Variants in NPAS3 observed in about 807,000 individuals in gnomAD.
The protein encoded by NPAS3 is neuronal PAS domain-containing protein 3.
Under a neutral mutation model 73.1 loss-of-function variants are expected in NPAS3, and 14 were observed. The observed-to-expected ratio is 0.19, with a 90% CI of 0.13 to 0.30. The LOEUF is 0.30. Ranked by LOEUF, NPAS3 falls within the 10% of genes least tolerant of loss-of-function variation. NPAS3 has a pLI of 1.00. For synonymous variants in NPAS3, 620 were observed against 541.5 expected (o/e 1.14, Z -2.01); for missense variants, 1,096 against 1,250.0 (o/e 0.88, Z 1.86).
chr14:33,645,831 G>A (rs1343333757), intron 5 of NPAS3, among the ~76,000 whole-genome samples: 1 of 152,198 alleles, frequency 6.6e-6, no homozygotes, highest in Non-Finnish European at 1.5e-5. Context: ...CACCTCTGTG[G>A]TTTCATCTAG....
chr14:33,149,638 A>T (rs925801774), intron 2 of NPAS3, among the ~76,000 whole-genome samples: 15 of 152,178 alleles, frequency 9.9e-5, no homozygotes, highest in African/African-American at 3.4e-4. Flanking sequence ...TAGTGTCCTA[A>T]CATATAGTGG....
At chr14:32,979,779 A>G (rs1333125277) in intron 1 of NPAS3, among the ~76,000 whole-genome samples, 1 of 152,212 alleles carries the variant, frequency 6.6e-6, no homozygotes, top group African/African-American at 2.4e-5. Context: ...GATCAGTCTA[A>G]AAATACTGAA....
intron 6 of NPAS3, among the ~76,000 whole-genome samples, chr14:33,708,656 A>G (rs1447874132): frequency 6.6e-6 from 1 of 152,226 alleles, no homozygotes; most frequent in Admixed American, 6.5e-5. Context: ...GAATTATTTA[A>G]AAGTATTTGA....
chr14:33,108,400 G>T (rs1378672999), intron 2 of NPAS3, among the ~76,000 whole-genome samples: 3 of 151,880 alleles, frequency 2.0e-5, no homozygotes, highest in African/African-American at 7.3e-5. Flanking sequence ...CACTGTGTTG[G>T]CCAGGCTGGT....
intron 1 of NPAS3, among the ~76,000 whole-genome samples, chr14:32,949,981 A>G (rs892397730): frequency 2.0e-5 from 3 of 152,080 alleles, no homozygotes; most frequent in African/African-American, 7.2e-5. Flanking sequence ...ACCAAAGTAT[A>G]GAGGAAATAG....
At chr14:33,078,804 G>A (rs1244965351) in intron 2 of NPAS3, among the ~76,000 whole-genome samples, 1 of 152,134 alleles carries the variant, frequency 6.6e-6, no homozygotes, top group Non-Finnish European at 1.5e-5. Flanking sequence ...GGGGTAGAGA[G>A]TTTCTTGCTG....
Position 33,147,730 on chromosome 14 carries a change from A to AAAAT in NPAS3, c.141-67451_141-67450insAATA, listed in dbSNP as rs372663411. Among the ~76,000 whole-genome samples, 1,121 of 130,346 alleles carry AAAAT rather than the reference A, an allele frequency of 8.6e-3. 23 individuals carry two copies. The highest frequency in any genetic ancestry group is 0.039 in the Admixed American group (517 of 13,402). The allele number at this position is 130,346 out of a possible 152,430, so 85.5% of individuals were successfully genotyped here. A position where few individuals can be genotyped will look rare whatever the true frequency, so the allele number is the denominator to read the frequency against. The stretch of plus-strand genomic sequence containing the variant: ...CCCTAGAACTTAAAGTAGAATAAAA[A>AAAAT]ATATATATATATATATATATATATA... On this transcript the variant is annotated intron_variant, in intron 2 of 11. Transcript: ENST00000356141.
intron 3 of NPAS3, among the ~76,000 whole-genome samples, chr14:33,335,068 G>GTGTA (rs1555375991): frequency 2.6e-5 from 4 of 151,068 alleles, no homozygotes; most frequent in African/African-American, 7.3e-5. Context: ...GTGTGTGTGT[G>GTGTA]TGTATCACAT....
intron 4 of NPAS3, among the ~76,000 whole-genome samples, chr14:33,398,068 T>C (rs143084116): frequency 0.014 from 2,193 of 152,262 alleles, 18 homozygotes; most frequent in Non-Finnish European, 0.022. Flanking sequence ...TTCTTCTCCT[T>C]TCTCCCTCTC....
At chr14:33,534,759 ACAG>A (rs1191027541) in intron 4 of NPAS3, among the ~76,000 whole-genome samples, 1 of 152,182 alleles carries the variant, frequency 6.6e-6, no homozygotes. Context: ...CCGTGACCAC[ACAG>A]CGTGCACTCT....
intron 3 of NPAS3, among the ~76,000 whole-genome samples, chr14:33,270,376 GA>G (rs1406875972): frequency 6.6e-6 from 1 of 152,174 alleles, no homozygotes; most frequent in African/African-American, 2.4e-5. Context: ...AAAATACTCT[GA>G]GAGAATAGAA....
At chr14:33,156,005 T>C (rs2044633463) in intron 2 of NPAS3, among the ~76,000 whole-genome samples, 1 of 151,728 alleles carries the variant, frequency 6.6e-6, no homozygotes, top group Non-Finnish European at 1.5e-5. Flanking sequence ...AGATCACCAC[T>C]TAGTGAAGAT....
chr14:33,004,212 A>G (rs1238269860), intron 1 of NPAS3, among the ~76,000 whole-genome samples: 1 of 152,212 alleles, frequency 6.6e-6, no homozygotes, highest in East Asian at 1.9e-4. Context: ...ACGGGGATAC[A>G]TTTTAAGAAA....
chr14:33,765,007 CTTAG>C (rs75371166), intron 7 of NPAS3, among the ~76,000 whole-genome samples: 23 of 152,240 alleles, frequency 1.5e-4, no homozygotes, highest in Non-Finnish European at 2.1e-4. Context: ...ATCTCTCCAG[CTTAG>C]TTAAACTATC....
chr14:33,445,428 G>C (rs1210878618), intron 4 of NPAS3, among the ~76,000 whole-genome samples: 1 of 152,118 alleles, frequency 6.6e-6, no homozygotes, highest in African/African-American at 2.4e-5. Flanking sequence ...ACTCTGACAT[G>C]TGCCTCCAAT....
chr14:33,794,037 C>G lies in NPAS3; in HGVS notation c.1294C>G (p.Leu432Val), dbSNP rs754280699. 6.8e-6 allele frequency: 11 copies of G among 1,612,150 alleles called. No individual in the cohort carries two copies. Among genetic ancestry groups the G allele is most frequent in the Non-Finnish European group, 9.3e-6 (11 of 1,179,350 alleles). The change falls in exon 10 of 12, where the codon CTT (leucine) becomes GTT (valine). Residue 432 changes from leucine (L) to valine (V), a missense_variant. Transcript: ENST00000356141. ...AAAGAATATCATCTGGGTGAATTAC[C>G]TTCTTAGGTATATTTTCTACTTCTT...
chr14:33,797,899 C>T (rs1419710898), intron 11 of NPAS3, among the ~76,000 whole-genome samples: 1 of 151,336 alleles, frequency 6.6e-6, no homozygotes, highest in East Asian at 2.0e-4. Flanking sequence ...TGTATATATA[C>T]TCACAGAACA....
At chr14:33,390,642 T>C (rs1393163846) in intron 4 of NPAS3, among the ~76,000 whole-genome samples, 3 of 152,184 alleles carry the variant, frequency 2.0e-5, no homozygotes, top group Non-Finnish European at 4.4e-5. Context: ...ACGATGGATG[T>C]TTCCCATCTA....
intron 3 of NPAS3, among the ~76,000 whole-genome samples, chr14:33,312,814 G>A (rs962886092): frequency 4.0e-5 from 6 of 149,512 alleles, no homozygotes; most frequent in African/African-American, 1.5e-4. Context: ...AGAGAGATAC[G>A]TAGATATAGG....
Sources: allele counts gnomAD v4.1 joint callset (sites outside exome capture counted in the v4.1 genomes callset), GRCh38; gene constraint gnomAD v4.1.1; transcripts MANE v1.5; gene names NCBI Gene and HGNC (gene_info 2026-07-23, HGNC 2026-07-21).